Variants in CLYBL observed in about 807,000 individuals in gnomAD.
CLYBL encodes the protein citramalyl-CoA lyase, also known as citramalyl-CoA lyase, mitochondrial.
CLYBL carries 31 observed loss-of-function variants against 38.9 expected under a neutral mutation model. That is an observed-to-expected ratio of 0.80 (90% CI 0.60 to 1.08). CLYBL has a LOEUF of 1.08. Among genes scored for constraint, CLYBL ranks in the 50% least tolerant of loss-of-function variants. The pLI, the probability that CLYBL is intolerant of heterozygous loss-of-function variation, is 0.00. For synonymous variants in CLYBL, 171 were observed against 158.6 expected, an observed-to-expected ratio of 1.08 and a Z score of -0.59; for missense variants, 434 against 411.6, an observed-to-expected ratio of 1.05 and a Z score of -0.47.
intron 2 of CLYBL, chr13:99,783,726 T>C (rs1255141456): frequency 1.3e-5 from 2 of 152,248 alleles, no homozygotes; most frequent in Non-Finnish European, 2.9e-5. Flanking sequence ...ATTACAGGCA[T>C]GAGCCACCGT....
At chr13:99,683,026 C>T (rs558336183) in intron 1 of CLYBL, among the ~76,000 whole-genome samples, 20 of 150,518 alleles carry the variant, frequency 1.3e-4, no homozygotes, top group African/African-American at 4.9e-4. Flanking sequence ...GTGTGAGTCA[C>T]CACACCTGGC....
chr13:99,850,661 A>G (rs2051309938), intron 2 of CLYBL, among the ~76,000 whole-genome samples: 1 of 152,336 alleles, frequency 6.6e-6, no homozygotes, highest in Admixed American at 6.5e-5. Flanking sequence ...TGATCCAGCA[A>G]TTCTACTCCT....
At chr13:99,675,777 A>G (rs2047635218) in intron 1 of CLYBL, among the ~76,000 whole-genome samples, 1 of 152,182 alleles carries the variant, frequency 6.6e-6, no homozygotes, top group Non-Finnish European at 1.5e-5. Context: ...TTATTCATTG[A>G]TTAGTTGTTG....
At chr13:99,841,600 A>G (rs867603222) in intron 2 of CLYBL, among the ~76,000 whole-genome samples, 8 of 151,998 alleles carry the variant, frequency 5.3e-5, no homozygotes, top group Non-Finnish European at 8.8e-5. Context: ...GGGTTTCGCC[A>G]TGTTGGCCAG....
chr13:99,706,228 C>T (rs981175369), intron 1 of CLYBL, among the ~76,000 whole-genome samples: 79 of 151,756 alleles, frequency 5.2e-4, no homozygotes, highest in Middle Eastern at 3.5e-3. Flanking sequence ...CCGTGCCTGA[C>T]GTATTTTGCC....
intron 2 of CLYBL, among the ~76,000 whole-genome samples, chr13:99,838,784 C>T (rs894307652): frequency 1.2e-4 from 17 of 141,082 alleles, no homozygotes; most frequent in African/African-American, 1.9e-4. Context: ...TACAGGTGTC[C>T]GCCACCACGC....
intron 2 of CLYBL, among the ~76,000 whole-genome samples, chr13:99,774,006 C>T (rs895632302): frequency 6.6e-6 from 1 of 151,412 alleles, no homozygotes; most frequent in Non-Finnish European, 1.5e-5. Flanking sequence ...AAGATAGGAG[C>T]ATCACTTGAG....
At chr13:99,633,020 A>G (rs922445718) in intron 1 of CLYBL, among the ~76,000 whole-genome samples, 6 of 151,976 alleles carry the variant, frequency 3.9e-5, no homozygotes, top group Admixed American at 3.3e-4. Context: ...TGGGTGGATC[A>G]CTTGAGGCCA....
At chr13:99,896,703 A>T (rs1289030074), downstream of CLYBL, 5 of 152,266 alleles carry the variant, frequency 3.3e-5, no homozygotes, top group Non-Finnish European at 7.3e-5. Flanking sequence ...GAAAATGAAC[A>T]TTCCCTTTAT....
chr13:99,744,312 C>A (rs184442595), intron 1 of CLYBL, among the ~76,000 whole-genome samples: 107 of 152,302 alleles, frequency 7.0e-4, no homozygotes, highest in Non-Finnish European at 4.0e-4. Flanking sequence ...CAGGGAGAAC[C>A]ACTTGAAAGT....
chr13:99,723,121 G>A (rs1882176025), intron 1 of CLYBL, among the ~76,000 whole-genome samples: 1 of 152,234 alleles, frequency 6.6e-6, no homozygotes, highest in Admixed American at 6.5e-5. Context: ...GTGCAGGGCT[G>A]CACGTTATCA....
intron 2 of CLYBL, among the ~76,000 whole-genome samples, chr13:99,824,597 A>G (rs1411589034): frequency 6.6e-6 from 1 of 152,006 alleles, no homozygotes; most frequent in Non-Finnish European, 1.5e-5. Context: ...ACTTGCTTTC[A>G]TCTTCCTTCA....
intron 1 of CLYBL, among the ~76,000 whole-genome samples, chr13:99,662,804 T>C (rs1347765817): frequency 6.6e-6 from 1 of 152,206 alleles, no homozygotes; most frequent in East Asian, 1.9e-4. Context: ...TTAAGTATTT[T>C]TTAGATTGCT....
chr13:99,724,404 A>G (rs1472150056), intron 1 of CLYBL, among the ~76,000 whole-genome samples: 2 of 152,134 alleles, frequency 1.3e-5, no homozygotes, highest in Admixed American at 6.6e-5. Context: ...ATCAACAAAC[A>G]CTTTGAGGAA....
intron 1 of CLYBL, among the ~76,000 whole-genome samples, chr13:99,696,233 C>CTT (rs778242975): frequency 2.8e-5 from 4 of 141,526 alleles, no homozygotes; most frequent in African/African-American, 1.0e-4. Flanking sequence ...ATGTCAGAGA[C>CTT]TTTTTTTTTT....
chr13:99,683,777 G>A (rs2047774534), intron 1 of CLYBL, among the ~76,000 whole-genome samples: 1 of 141,830 alleles, frequency 7.1e-6, no homozygotes, highest in African/African-American at 2.8e-5. Context: ...AGTCTAAAAT[G>A]AAGATAAAAT....
chr13:99,871,960 A>G (rs957725143), intron 7 of CLYBL, among the ~76,000 whole-genome samples: 2 of 151,172 alleles, frequency 1.3e-5, no homozygotes, highest in African/African-American at 4.9e-5. Flanking sequence ...AAAATTTATT[A>G]CAGTTCTGAA....
intron 2 of CLYBL, among the ~76,000 whole-genome samples, chr13:99,842,127 A>G (rs1470086872): frequency 2.0e-5 from 3 of 152,278 alleles, no homozygotes; most frequent in South Asian, 2.1e-4. Flanking sequence ...TGGAACACCT[A>G]TGTATTTTTA....
chr13:99,880,085 T>TTTTTTTTG (rs1474905088), intron 7 of CLYBL, among the ~76,000 whole-genome samples: 1 of 145,336 alleles, frequency 6.9e-6, no homozygotes, highest in African/African-American at 2.5e-5. Context: ...TTTTTTTTTT[T>TTTTTTTTG]GAGACAGAGT....
Sources: gnomAD v4.1 joint callset for allele counts (sites outside exome capture counted in the v4.1 genomes callset) on GRCh38, gnomAD v4.1.1 for gene constraint, MANE v1.5 for transcripts, NCBI Gene and HGNC (gene_info 2026-07-23, HGNC 2026-07-21) for gene names.